Variants in GALNT18 observed in about 807,000 individuals in gnomAD.
GALNT18 encodes GalNAc-transferase 18.
Under a neutral mutation model 69.5 loss-of-function variants are expected in GALNT18, and 44 were observed. The ratio of observed to expected loss-of-function variants is 0.63; its 90% CI spans 0.50 to 0.81. The LOEUF is 0.81. Among genes scored for constraint, GALNT18 ranks in the 40% least tolerant of loss-of-function variants. The pLI is 0.00. For missense variants in GALNT18, 715 were observed against 810.0 expected (o/e 0.88, Z 1.42); for synonymous variants, 364 against 318.2 (o/e 1.14, Z -1.53).
intron 2 of GALNT18, among the ~76,000 whole-genome samples, chr11:11,442,077 T>A (rs2133809617): frequency 6.6e-6 from 1 of 152,348 alleles, no homozygotes; most frequent in African/African-American, 2.4e-5. Context: ...CTCGCTGGGC[T>A]GGAATCGGGG....
intron 1 of GALNT18, among the ~76,000 whole-genome samples, chr11:11,537,058 G>A (rs1216376791): frequency 6.6e-6 from 1 of 152,208 alleles, no homozygotes; most frequent in Non-Finnish European, 1.5e-5. Flanking sequence ...TGAATATACT[G>A]CTCACTATGG....
At chr11:11,304,997 A>T (rs7126515) in intron 9 of GALNT18, among the ~76,000 whole-genome samples, 2 of 151,958 alleles carry the variant, frequency 1.3e-5, no homozygotes, top group Non-Finnish European at 2.9e-5. Flanking sequence ...GCCTAAGATG[A>T]CTGATAAAGA....
rs929647370 is a variant in GALNT18, at chr11:11,500,527, C to T, written c.236-51591G>A. ...ACATCGTGGTGGGTGGATGGAGATG[C>T]GCCATGGGCATCTCTCAGTAGAAGG... On this transcript the variant is annotated intron_variant, in intron 1 of 10. Coordinates refer to ENST00000227756, the MANE Select transcript of GALNT18 (RefSeq NM_198516.3). The surrounding 1 kb of genome is among the most constrained non-coding windows in gnomAD (Gnocchi z 5.0). Among the ~76,000 whole-genome samples, 3 of 152,120 alleles carry T rather than the reference C, an allele frequency of 2.0e-5. No individual in the cohort carries two copies. The highest frequency in any genetic ancestry group is 6.5e-5 in the Admixed American group (1 of 15,284).
intron 6 of GALNT18, among the ~76,000 whole-genome samples, chr11:11,343,055 C>T (rs866146229): frequency 5.3e-5 from 8 of 152,160 alleles, no homozygotes; most frequent in East Asian, 1.9e-4. Flanking sequence ...AACTAAAGAA[C>T]GTCCCTTGCC....
In GALNT18 at chr11:11,271,221, C is replaced by G; in HGVS notation, c.1747G>C (p.Gly583Arg). 1 of 1,614,084 alleles carries G rather than the reference C, an allele frequency of 6.2e-7. No homozygotes were observed. Among genetic ancestry groups the G allele is most frequent in the Non-Finnish European group, 8.5e-7 (1 of 1,180,000 alleles). ...ELQENSDLEF[G>R]FQLVLQKCSG... The stretch of plus-strand genomic sequence containing the variant: ...CACTTCTGCAACACCAGCTGGAAGC[C>G]GAACTCCAGGTCGCTATTCTCCTGC... The change falls in exon 11 of 11, where the codon GGC becomes CGC. Residue 583 changes from glycine (G) to arginine (R), a missense_variant. Physicochemically the swap from Gly to Arg is moderately radical, Grantham distance 125. Transcript: ENST00000227756.
intron 1 of GALNT18, among the ~76,000 whole-genome samples, chr11:11,577,951 GAGA>G (rs1487095633): frequency 2.6e-5 from 4 of 152,044 alleles, no homozygotes; most frequent in African/African-American, 9.7e-5. Flanking sequence ...AATTTGATAG[GAGA>G]AGGAGAAAGC....
rs1209499179 is a variant in GALNT18 at position 11,494,296 on chromosome 11, A to G, written c.236-45360T>C. Among the ~76,000 whole-genome samples, 1 of 152,198 alleles carries G rather than the reference A, an allele frequency of 6.6e-6. No homozygotes were observed. Among genetic ancestry groups the G allele is most frequent in the Non-Finnish European group, 1.5e-5 (1 of 68,032 alleles). ...ATAAACAAGCCAGACACTAGAGCCT[A>G]AAAACTGGGTCCTTTCCCCAGTGCT... is the stretch of plus-strand genomic sequence containing the variant. On this transcript the variant is annotated intron_variant, in intron 1 of 10. Coordinates refer to ENST00000227756, the MANE Select transcript of GALNT18 (RefSeq NM_198516.3). This position sits in a 1 kb window ranked among gnomAD's most constrained non-coding sequence, Gnocchi z 5.7.
In GALNT18 at chr11:11,511,271, G is replaced by C. The variant is rs1857158765; in HGVS notation, c.236-62335C>G. Among the ~76,000 whole-genome samples, 3 of 152,182 alleles carry C rather than the reference G, an allele frequency of 2.0e-5. No homozygotes were observed. Among genetic ancestry groups the C allele is most frequent in the African/African-American group, 7.2e-5 (3 of 41,456 alleles). ...CTGCTGAAGACTGAAGGGACCGGCT[G>C]TCCAGCTTCACGCAGGGAGGGCTCC... On this transcript the variant is annotated intron_variant, in intron 1 of 10. Coordinates refer to ENST00000227756, the MANE Select transcript of GALNT18 (RefSeq NM_198516.3). The surrounding 1 kb of genome is among the most constrained non-coding windows in gnomAD (Gnocchi z 4.9).
rs1271967618 is a variant in GALNT18 at position 11,463,792 on chromosome 11, A to G, written c.236-14856T>C. On this transcript the variant is annotated intron_variant, in intron 1 of 10. Coordinates refer to ENST00000227756, the MANE Select transcript of GALNT18 (RefSeq NM_198516.3). This position sits in a 1 kb window ranked among gnomAD's most constrained non-coding sequence, Gnocchi z 4.2. Reference sequence around the variant, plus strand: ...TTCAAACAAAATCCATTTCTTGAGCATGACGGTAAAAATATTTATCACATG... The same window carrying G: ...TTCAAACAAAATCCATTTCTTGAGCGTGACGGTAAAAATATTTATCACATG... Among the ~76,000 whole-genome samples, 1 of 152,236 alleles carries G rather than the reference A, an allele frequency of 6.6e-6. No individual in the cohort carries two copies. Among genetic ancestry groups the G allele is most frequent in the Admixed American group, 6.5e-5 (1 of 15,288 alleles).
intron 1 of GALNT18, among the ~76,000 whole-genome samples, chr11:11,526,953 A>T (rs932696983): frequency 1.3e-4 from 20 of 152,130 alleles, no homozygotes; most frequent in Non-Finnish European, 4.4e-5. Context: ...GGAGTCTTGC[A>T]CCTAGACTAT....
intron 6 of GALNT18, among the ~76,000 whole-genome samples, chr11:11,342,950 G>A (rs552506302): frequency 6.6e-6 from 1 of 152,306 alleles, no homozygotes; most frequent in East Asian, 1.9e-4. Context: ...TAAGCATGTG[G>A]TCATTCTTAG....
intron 1 of GALNT18, among the ~76,000 whole-genome samples, chr11:11,565,400 T>A (rs558767645): frequency 6.6e-6 from 1 of 152,238 alleles, no homozygotes; most frequent in African/African-American, 2.4e-5. Flanking sequence ...GGTTCTGGTA[T>A]GCCTGTGGCT....
In GALNT18 at chr11:11,590,544, A is replaced by T. The variant is rs1590123370; in HGVS notation, c.235+30815T>A. Among the ~76,000 whole-genome samples, 1 of 152,206 alleles carries T rather than the reference A, an allele frequency of 6.6e-6. No individual in the cohort carries two copies. Among genetic ancestry groups the T allele is most frequent in the Non-Finnish European group, 1.5e-5 (1 of 68,040 alleles). ...GTTCTGCTGCATCAGTGCAACAGGG[A>T]TATACTAGTGAGATATCACTCCCAA... is the stretch of plus-strand genomic sequence containing the variant. On this transcript the variant is annotated intron_variant, in intron 1 of 10. Coordinates refer to ENST00000227756, the MANE Select transcript of GALNT18 (RefSeq NM_198516.3). This position sits in a 1 kb window ranked among gnomAD's most constrained non-coding sequence, Gnocchi z 4.4.
chr11:11,535,401 A>C (rs895529400), intron 1 of GALNT18, among the ~76,000 whole-genome samples: 2 of 152,216 alleles, frequency 1.3e-5, no homozygotes, highest in Non-Finnish European at 2.9e-5. Context: ...GTTGGTGTGA[A>C]GATTATTTGA....
chr11:11,295,196 G>C (rs554118453), intron 9 of GALNT18, among the ~76,000 whole-genome samples: 1 of 152,280 alleles, frequency 6.6e-6, no homozygotes, highest in Non-Finnish European at 1.5e-5. Context: ...TAGGCTCTTG[G>C]GAGGGGGTGA....
At position 11,403,520 on chromosome 11, in the gene GALNT18, T is replaced by C. The variant is rs151071372; in HGVS notation, c.596-24256A>G. On this transcript the variant is annotated intron_variant, in intron 3 of 10. Transcript: ENST00000227756. ...ACTGAATACTGTACTTCTAGATCCT[T>C]TCACCATCCTCATGTGTCATTCTTT... is the stretch of plus-strand genomic sequence containing the variant. 6.0e-4 allele frequency among the ~76,000 whole-genome samples: 91 copies of C among 152,312 alleles called. 1 individual carries two copies. Among genetic ancestry groups the C allele is most frequent in the African/African-American group, 2.1e-3 (86 of 41,576 alleles).
chr11:11,385,501 T>C (rs896138039), intron 3 of GALNT18, among the ~76,000 whole-genome samples: 1 of 152,114 alleles, frequency 6.6e-6, no homozygotes, highest in Admixed American at 6.5e-5. Flanking sequence ...TTCACCATGT[T>C]AGCCAGGATG....
At chr11:11,274,882 A>AT (rs1460213293) in intron 10 of GALNT18, among the ~76,000 whole-genome samples, 2 of 152,138 alleles carry the variant, frequency 1.3e-5, no homozygotes, top group African/African-American at 2.4e-5. Context: ...ACATGAACTC[A>AT]TTTTTTATGG....
intron 3 of GALNT18, among the ~76,000 whole-genome samples, chr11:11,431,305 T>C (rs1001773800): frequency 2.6e-4 from 40 of 152,080 alleles, no homozygotes; most frequent in Non-Finnish European, 4.4e-5. Context: ...ATAGAGTGTG[T>C]GGGGCAGGCT....
Sources: allele counts gnomAD v4.1 joint callset (sites outside exome capture counted in the v4.1 genomes callset), GRCh38; gene constraint gnomAD v4.1.1; non-coding constraint Gnocchi (gnomAD v3.1); transcripts MANE v1.5; gene names NCBI Gene and HGNC (gene_info 2026-07-23, HGNC 2026-07-21).